The following CSMD3 variants were observed in gnomAD, a reference collection of about 807,000 sequenced individuals.
CSMD3 encodes CUB and Sushi multiple domains 3, also known as CUB and sushi domain-containing protein 3.
CSMD3 carries 177 observed loss-of-function variants against 435.2 expected under a neutral mutation model. The observed-to-expected ratio is 0.41, with a 90% CI of 0.36 to 0.46. CSMD3 has a LOEUF of 0.46. Among genes scored for constraint, CSMD3 ranks in the 20% least tolerant of loss-of-function variants. The pLI is 0.34. For missense variants in CSMD3, 4,265 were observed against 4,504.6 expected (o/e 0.95, Z 1.52); for synonymous variants, 1,656 against 1,520.5 (o/e 1.09, Z -2.07).
intron 32 of CSMD3, among the ~76,000 whole-genome samples, chr8:112,468,159 C>A (rs1003090159): frequency 5.9e-5 from 9 of 151,340 alleles, no homozygotes; most frequent in African/African-American, 1.9e-4. Flanking sequence ...TTGCTAATTG[C>A]AAATTATTTC....
intron 6 of CSMD3, among the ~76,000 whole-genome samples, chr8:112,984,135 G>T (rs2085158981): frequency 6.6e-6 from 1 of 151,530 alleles, no homozygotes. Flanking sequence ...TGCCCTAAAA[G>T]CAAATATATT....
chr8:112,431,269 C>A (rs1336499012), intron 32 of CSMD3, among the ~76,000 whole-genome samples: 1 of 151,876 alleles, frequency 6.6e-6, no homozygotes, highest in African/African-American at 2.4e-5. Flanking sequence ...TTTAAGTTTA[C>A]CAAAAATCAA....
intron 11 of CSMD3, among the ~76,000 whole-genome samples, chr8:112,838,963 C>A (rs571135769): frequency 1.3e-5 from 2 of 151,592 alleles, no homozygotes; most frequent in Non-Finnish European, 3.0e-5. Flanking sequence ...AAAGTGATAT[C>A]ATTTTAGAGA....
intron 13 of CSMD3, among the ~76,000 whole-genome samples, chr8:112,743,177 T>C (rs2077349955): frequency 6.6e-6 from 1 of 151,902 alleles, no homozygotes; most frequent in East Asian, 1.9e-4. Context: ...AAAATGATAT[T>C]AAAAATAGCA....
At chr8:112,294,621 G>A (rs1375321544) in intron 54 of CSMD3, among the ~76,000 whole-genome samples, 1 of 151,742 alleles carries the variant, frequency 6.6e-6, no homozygotes, top group Non-Finnish European at 1.5e-5. Context: ...GTGCACAATG[G>A]CCAAATCCAC....
intron 2 of CSMD3, among the ~76,000 whole-genome samples, chr8:113,286,032 T>A (rs1464991996): frequency 6.6e-6 from 1 of 152,162 alleles, no homozygotes; most frequent in Non-Finnish European, 1.5e-5. Context: ...AGCTGGTATT[T>A]TTTTTTTCAT....
At chr8:112,445,627 A>T (rs1424809909) in intron 32 of CSMD3, among the ~76,000 whole-genome samples, 1 of 151,998 alleles carries the variant, frequency 6.6e-6, no homozygotes, top group Non-Finnish European at 1.5e-5. Flanking sequence ...TGACCTAATC[A>T]CCTCCCACCA....
chr8:113,013,577 T>C (rs957020354), intron 6 of CSMD3, among the ~76,000 whole-genome samples: 9 of 152,002 alleles, frequency 5.9e-5, no homozygotes, highest in Admixed American at 2.6e-4. Context: ...TATAAGGTCA[T>C]GGTGGGGGCT....
intron 10 of CSMD3, among the ~76,000 whole-genome samples, chr8:112,900,642 T>A (rs2082087350): frequency 6.6e-6 from 1 of 151,226 alleles, no homozygotes; most frequent in African/African-American, 2.4e-5. Flanking sequence ...ATTGTTAACT[T>A]GCAAGTATGG....
intron 1 of CSMD3, among the ~76,000 whole-genome samples, chr8:113,336,061 A>G (rs1353085137): frequency 6.6e-6 from 1 of 151,842 alleles, no homozygotes; most frequent in Non-Finnish European, 1.5e-5. Context: ...CAAATTTTAC[A>G]TTCTTTATTT....
chr8:112,523,784 T>G (rs1824561656), intron 27 of CSMD3, among the ~76,000 whole-genome samples: 2 of 152,064 alleles, frequency 1.3e-5, no homozygotes, highest in Non-Finnish European at 2.9e-5. Flanking sequence ...ACATCATTAT[T>G]AGGCCCACAC....
At chr8:112,863,674 G>C (rs537642523) in intron 10 of CSMD3, among the ~76,000 whole-genome samples, 86 of 152,092 alleles carry the variant, frequency 5.7e-4, no homozygotes, top group African/African-American at 2.0e-3. Flanking sequence ...GGAGATTGGT[G>C]TCTGTATTCA....
At chr8:112,610,756 A>G (rs1833193728) in intron 22 of CSMD3, among the ~76,000 whole-genome samples, 1 of 152,192 alleles carries the variant, frequency 6.6e-6, no homozygotes, top group East Asian at 1.9e-4. Flanking sequence ...TGACTGCATC[A>G]GCTGAGCACC....
chr8:113,349,803 G>A (rs2094177375), intron 1 of CSMD3, among the ~76,000 whole-genome samples: 1 of 151,964 alleles, frequency 6.6e-6, no homozygotes, highest in Non-Finnish European at 1.5e-5. Flanking sequence ...TAGTATGGTA[G>A]ATTGTCTTCA....
intron 12 of CSMD3, among the ~76,000 whole-genome samples, chr8:112,824,388 T>C (rs2079616248): frequency 6.6e-6 from 1 of 152,168 alleles, no homozygotes; most frequent in Admixed American, 6.5e-5. Flanking sequence ...TTGCAGTTTC[T>C]TCATAGTGTC....
chr8:112,240,987 A>C lies in CSMD3; in HGVS notation c.10468+733T>G, dbSNP rs1469081482. On this transcript the variant is annotated intron_variant, in intron 66 of 70. Transcript: ENST00000297405. ...CATGTGGAACTGTAAGTCCACTTAA[A>C]CCTCTTTCTTTTTAAATTGCCTAGT... 2.0e-5 allele frequency among the ~76,000 whole-genome samples: 3 copies of C among 151,996 alleles called. No individual in the cohort carries two copies. The East Asian group carries it at 5.8e-4, about 29-fold the overall frequency.
Position 112,505,394 on chromosome 8 carries a change from A to G in CSMD3, c.4895+1297T>C, listed in dbSNP as rs138790293. The stretch of plus-strand genomic sequence containing the variant: ...TATTACCCTTGTTCTGAGATAAAAC[A>G]CAACTTCTGAATTTCATCTCTTCCA... On this transcript the variant is annotated intron_variant, in intron 29 of 70. Transcript: ENST00000297405. Among the ~76,000 whole-genome samples the G allele has an allele frequency of 8.6e-3, 1,312 of 152,242 alleles. 18 individuals carry two copies. Among genetic ancestry groups the G allele is most frequent in the African/African-American group, 0.03 (1,266 of 41,568 alleles).
At chr8:112,785,954 G>T (rs1368121292) in intron 13 of CSMD3, among the ~76,000 whole-genome samples, 1 of 151,902 alleles carries the variant, frequency 6.6e-6, no homozygotes, top group Non-Finnish European at 1.5e-5. Context: ...AACCACAAAA[G>T]ACCCAGAATT....
intron 32 of CSMD3, among the ~76,000 whole-genome samples, chr8:112,435,635 T>C (rs1181758838): frequency 2.6e-5 from 4 of 152,034 alleles, no homozygotes; most frequent in African/African-American, 9.7e-5. Flanking sequence ...ACTTAAAATG[T>C]TTTTTGGTAA....
Sources: allele counts gnomAD v4.1 joint callset (sites outside exome capture counted in the v4.1 genomes callset), GRCh38; gene constraint gnomAD v4.1.1; transcripts MANE v1.5; gene names NCBI Gene and HGNC (gene_info 2026-07-23, HGNC 2026-07-21).